The following EXT1 variants were observed in gnomAD, a reference collection of about 807,000 sequenced individuals.
EXT1 encodes the protein exostosin-1.
A neutral mutation model predicts 82.5 loss-of-function variants in EXT1; 20 were observed. The ratio of observed to expected loss-of-function variants is 0.24; its 90% confidence interval spans 0.17 to 0.35. The LOEUF (loss-of-function observed/expected upper bound fraction) is 0.35. EXT1 is among the 10% of genes least tolerant of loss of function. The probability of loss-of-function intolerance (pLI) is 1.00; values close to 1 mark genes in which losing one functional copy is unlikely to be tolerated. For synonymous variants in EXT1, 348 were observed against 350.8 expected, an observed-to-expected ratio of 0.99 and a Z score of 0.09; for missense variants, 757 against 936.5, an observed-to-expected ratio of 0.81 and a Z score of 2.50.
intron 1 of EXT1, among the ~76,000 whole-genome samples, chr8:118,058,304 A>G (rs1816828004): frequency 6.6e-6 from 1 of 152,200 alleles, no homozygotes; most frequent in Non-Finnish European, 1.5e-5. Context: ...AAGAAGTAGA[A>G]GTAGCCAATA....
intron 2 of EXT1, among the ~76,000 whole-genome samples, chr8:117,835,864 G>C (rs372585442): frequency 7.2e-5 from 11 of 152,224 alleles, no homozygotes; most frequent in African/African-American, 2.4e-4. Flanking sequence ...TTTTATTGAC[G>C]TAACAAAAGC....
At chr8:118,029,651 G>T (rs553351340) in intron 1 of EXT1, among the ~76,000 whole-genome samples, 1 of 152,070 alleles carries the variant, frequency 6.6e-6, no homozygotes, top group Non-Finnish European at 1.5e-5. Flanking sequence ...GTACTATGTG[G>T]CACAAAGTAA....
chr8:118,075,315 G>A (rs1268841259), intron 1 of EXT1, among the ~76,000 whole-genome samples: 2 of 152,174 alleles, frequency 1.3e-5, no homozygotes, highest in Non-Finnish European at 1.5e-5. Flanking sequence ...CACCTTGACC[G>A]TGTTGTGTCT....
At chr8:118,098,073 C>G (rs905529742) in intron 1 of EXT1, among the ~76,000 whole-genome samples, 1 of 152,052 alleles carries the variant, frequency 6.6e-6, no homozygotes, top group Non-Finnish European at 1.5e-5. Context: ...GCAGGCAGAG[C>G]TTGCCTGCCT....
At chr8:117,920,275 T>G (rs1347375227) in intron 1 of EXT1, among the ~76,000 whole-genome samples, 1 of 152,050 alleles carries the variant, frequency 6.6e-6, no homozygotes, top group East Asian at 1.9e-4. Context: ...AGCTGATTTT[T>G]GTATTTTTAG....
intron 1 of EXT1, among the ~76,000 whole-genome samples, chr8:118,054,441 T>A (rs1816763065): frequency 6.6e-6 from 1 of 152,196 alleles, no homozygotes; most frequent in Admixed American, 6.5e-5. Context: ...CCACAGCAAC[T>A]ACATCCTCCT....
intron 1 of EXT1, among the ~76,000 whole-genome samples, chr8:118,029,903 T>G (rs1224426560): frequency 6.6e-6 from 1 of 152,220 alleles, no homozygotes; most frequent in Non-Finnish European, 1.5e-5. Context: ...TTCCTCAAGG[T>G]TAAATTACAA....
At chr8:117,906,108 G>C (rs1051762234) in intron 1 of EXT1, among the ~76,000 whole-genome samples, 1 of 152,136 alleles carries the variant, frequency 6.6e-6, no homozygotes, top group Admixed American at 6.5e-5. Context: ...TCTTGGCTTG[G>C]TATTCTATCC....
chr8:117,835,847 GAGA>G, intron 2 of EXT1, among the ~76,000 whole-genome samples: 1 of 152,296 alleles, frequency 6.6e-6, no homozygotes, highest in Non-Finnish European at 1.5e-5. Context: ...GGCCTTGCTG[GAGA>G]AGTTTTTATT....
At chr8:117,973,926 A>AAAGGAAGGAAGG (rs1196438624) in intron 1 of EXT1, among the ~76,000 whole-genome samples, 10 of 71,646 alleles carry the variant, frequency 1.4e-4, no homozygotes, top group South Asian at 4.4e-4. Flanking sequence ...AGAAAGGCAG[A>AAAGGAAGGAAGG]AAGCAAGGAA....
chr8:117,857,778 G>A (rs1022458370), intron 1 of EXT1, among the ~76,000 whole-genome samples: 5 of 152,184 alleles, frequency 3.3e-5, no homozygotes, highest in Non-Finnish European at 5.9e-5. Flanking sequence ...ATAGCTGACA[G>A]AGATGGTGAT....
intron 1 of EXT1, among the ~76,000 whole-genome samples, chr8:117,963,492 T>G (rs907982464): frequency 5.3e-5 from 8 of 152,132 alleles, no homozygotes; most frequent in Non-Finnish European, 1.2e-4. Flanking sequence ...GGTTTTTCAT[T>G]TTTTTATTTT....
At chr8:117,973,353 T>C (rs535399344) in intron 1 of EXT1, among the ~76,000 whole-genome samples, 83 of 152,256 alleles carry the variant, frequency 5.5e-4, no homozygotes, top group Middle Eastern at 6.8e-3. Context: ...CTAACCAGTG[T>C]TGTATGGGAA....
intron 1 of EXT1, among the ~76,000 whole-genome samples, chr8:117,983,299 C>T (rs747235956): frequency 3.5e-4 from 53 of 152,092 alleles, no homozygotes; most frequent in African/African-American, 1.1e-3. Context: ...GCCTGGGCAA[C>T]GTGGTGAGAT....
chr8:117,867,889 C>G (rs187922651), intron 1 of EXT1, among the ~76,000 whole-genome samples: 8 of 152,166 alleles, frequency 5.3e-5, no homozygotes, highest in East Asian at 1.9e-4. Context: ...ATTCAACCCC[C>G]GGTTCTAGAA....
rs752721885 is a variant in EXT1, at chr8:117,835,457, C to T, written c.1151G>A (p.Arg384Lys). 2.5e-6 allele frequency: 4 copies of T among 1,613,638 alleles called. No individual in the cohort carries two copies. The highest frequency in any genetic ancestry group is 1.7e-5 in the Admixed American group (1 of 60,014). ...CCCCTTCCTTACCTGTAATAACAATCTCTCATCGCCTATGACGGCAGCTTG... is the reference window on the plus strand; with the variant it reads ...CCCCTTCCTTACCTGTAATAACAATTTCTCATCGCCTATGACGGCAGCTTG... ...WNQAAVIGDERLLLQIPSTIR... is the reference protein window; with the variant it reads ...WNQAAVIGDEKLLLQIPSTIR... Residue 384 changes from arginine (R) to lysine (K), a missense_variant, in exon 3 of 11, where the codon AGA becomes AAA. Coordinates refer to ENST00000378204, the MANE Select transcript of EXT1 (RefSeq NM_000127.3).
rs184935975 is a variant in EXT1 at position 118,023,764 on chromosome 8, C to T, written c.962+86321G>A. Reference sequence around the variant, plus strand: ...ATAGTAAATTTGAAAGAAATAGCAGCTGCAACAGCAGGTAATACATATCCC... The same window carrying T: ...ATAGTAAATTTGAAAGAAATAGCAGTTGCAACAGCAGGTAATACATATCCC... On this transcript the variant is annotated intron_variant, in intron 1 of 10. Transcript: ENST00000378204. 9.4e-4 allele frequency among the ~76,000 whole-genome samples: 143 copies of T among 152,326 alleles called. 1 individual carries two copies. Among genetic ancestry groups the T allele is most frequent in the African/African-American group, 3.4e-3 (140 of 41,572 alleles).
intron 1 of EXT1, among the ~76,000 whole-genome samples, chr8:118,081,506 A>G (rs1341051936): frequency 6.6e-6 from 1 of 152,220 alleles, no homozygotes; most frequent in Non-Finnish European, 1.5e-5. Flanking sequence ...ATGTCTACAG[A>G]ACAGGTATTT....
At chr8:117,821,007 TC>T (rs974239459) in intron 5 of EXT1, among the ~76,000 whole-genome samples, 1 of 152,190 alleles carries the variant, frequency 6.6e-6, no homozygotes, top group African/African-American at 2.4e-5. Flanking sequence ...CAAGGAGTTT[TC>T]CCATAAGAAC....
Sources: gnomAD v4.1 joint callset for allele counts (sites outside exome capture counted in the v4.1 genomes callset) on GRCh38, gnomAD v4.1.1 for gene constraint, MANE v1.5 for transcripts, NCBI Gene and HGNC (gene_info 2026-07-23, HGNC 2026-07-21) for gene names.